NUP205: variants seen among roughly 807,000 people sequenced by gnomAD.
NUP205 encodes the protein nuclear pore complex protein Nup205.
A neutral mutation model predicts 253.8 loss-of-function variants in NUP205; 76 were observed. That is an observed-to-expected ratio of 0.30 (90% CI 0.25 to 0.36). The LOEUF is 0.36. Ranked by LOEUF, NUP205 falls within the 10% of genes least tolerant of loss-of-function variation. The probability of loss-of-function intolerance (pLI) is 1.00; values close to 1 mark genes in which losing one functional copy is unlikely to be tolerated. For synonymous variants in NUP205, 832 were observed against 850.1 expected, an observed-to-expected ratio of 0.98 and a Z score of 0.37; for missense variants, 2,162 against 2,425.5, an observed-to-expected ratio of 0.89 and a Z score of 2.28.
intron 7 of NUP205, among the ~76,000 whole-genome samples, chr7:135,582,829 G>A (rs1480032838): frequency 6.6e-6 from 1 of 150,518 alleles, no homozygotes; most frequent in African/African-American, 2.4e-5. Context: ...GGCGACTCAT[G>A]CCTGTAATCC....
rs374444053 is a variant in NUP205, at chr7:135,606,273, A to G, written c.2905+47A>G. The G allele has an allele frequency of 1.6e-5, 19 of 1,166,726 alleles. 1 individual carries two copies. In the African/African-American group the frequency reaches 2.7e-4, roughly 17 times the overall value. 72.3% of individuals were successfully genotyped at this position (1,166,726 alleles called of 1,614,324 possible). ...ATACACGCATTCTTTTACTTTTTAT[A>G]TATGCTTAATTTAAAGAAAACACTT... On this transcript the variant is annotated intron_variant, in intron 20 of 42. Transcript: ENST00000285968.
At chr7:135,614,344 A>G (rs1563129282) in intron 23 of NUP205, 71 bp downstream of exon 23, 3 of 851,664 alleles carry the variant, frequency 3.5e-6, no homozygotes, top group East Asian at 2.6e-5. Flanking sequence ...TATTTATACA[A>G]TATTTGGGGG....
chr7:135,597,077 C>T (rs757824574), intron 13 of NUP205, among the ~76,000 whole-genome samples: 6 of 151,982 alleles, frequency 3.9e-5, no homozygotes, highest in Non-Finnish European at 5.9e-5. Context: ...CCCATAAATC[C>T]TTTTTAAAGA....
At chr7:135,622,396 C>T (rs1333891490) in intron 30 of NUP205, among the ~76,000 whole-genome samples, 1 of 148,240 alleles carries the variant, frequency 6.7e-6, no homozygotes, top group Non-Finnish European at 1.5e-5. Context: ...GCACTCCAGC[C>T]TGGAGACAGA....
At chr7:135,570,081 A>AGAGAGAGAGAGAGAGG (rs1805910564) in intron 1 of NUP205, among the ~76,000 whole-genome samples, 1 of 149,710 alleles carries the variant, frequency 6.7e-6, no homozygotes, top group Non-Finnish European at 1.5e-5. Flanking sequence ...AGAGAGAGAG[A>AGAGAGAGAGAGAGAGG]GAGAGAGAGA....
intron 22 of NUP205, among the ~76,000 whole-genome samples, chr7:135,612,806 A>C (rs1317789574): frequency 6.6e-6 from 1 of 152,224 alleles, no homozygotes; most frequent in Non-Finnish European, 1.5e-5. Flanking sequence ...GTCAAAGACT[A>C]TCAAGAGTTT....
chr7:135,642,053 G>A (rs943744274), intron 38 of NUP205, among the ~76,000 whole-genome samples: 3 of 151,974 alleles, frequency 2.0e-5, no homozygotes, highest in Non-Finnish European at 4.4e-5. Context: ...TAAGGAGTTT[G>A]AGACCAGCCT....
chr7:135,629,466 CCTAT>C (rs776880533), intron 34 of NUP205, among the ~76,000 whole-genome samples: 4 of 73,208 alleles, frequency 5.5e-5, no homozygotes, highest in Non-Finnish European at 8.9e-5. Context: ...ATAGTGAGAC[CCTAT>C]CTCTCTCTCT....
intron 35 of NUP205, among the ~76,000 whole-genome samples, chr7:135,634,082 A>C (rs1022553518): frequency 1.3e-5 from 2 of 152,068 alleles, no homozygotes; most frequent in Non-Finnish European, 2.9e-5. Flanking sequence ...TCTGTGACTC[A>C]CAGATATATA....
chr7:135,589,194 A>G (rs1806555464), intron 10 of NUP205, among the ~76,000 whole-genome samples: 1 of 148,570 alleles, frequency 6.7e-6, no homozygotes, highest in African/African-American at 2.5e-5. Context: ...AAGAGTTGGC[A>G]GGAGATTGCC....
In NUP205 at chr7:135,578,776, G is replaced by T. The variant is rs779309253; in HGVS notation, c.903G>T (p.Leu301Phe). ...RDDMIHQLPL[L>F]TEKQYIATIH... ...ATATGATTCATCAACTTCCACTGTTGACAGAAAAACAGTACATTGCAACAA... is the reference window on the plus strand; with the variant it reads ...ATATGATTCATCAACTTCCACTGTTTACAGAAAAACAGTACATTGCAACAA... Residue 301 changes from leucine to phenylalanine, a missense_variant, in exon 7 of 43, where the codon TTG becomes TTT. Coordinates refer to ENST00000285968, the MANE Select transcript of NUP205 (RefSeq NM_015135.3). 3.1e-6 allele frequency: 5 copies of T among 1,602,292 alleles called. No individual in the cohort carries two copies. The highest frequency in any genetic ancestry group is 4.3e-6 in the Non-Finnish European group (5 of 1,175,714).
At chr7:135,606,006 A>C in intron 19 of NUP205, 139 bp from the exon 20 acceptor site, 1 of 580,322 alleles carries the variant, frequency 1.7e-6, no homozygotes, top group Non-Finnish European at 3.0e-6. Context: ...TTCTATTAAA[A>C]ATGTAACTAA....
chr7:135,594,526 T>G (rs368415437), intron 12 of NUP205, 21 bp from the exon 13 acceptor site: 14 of 1,558,566 alleles, frequency 9.0e-6, no homozygotes, highest in Non-Finnish European at 2.6e-6. Flanking sequence ...AAAGTCTCAT[T>G]CTTTTTGTGT....
chr7:135,624,632 C>A (rs1321675624), intron 31 of NUP205, among the ~76,000 whole-genome samples: 1 of 152,104 alleles, frequency 6.6e-6, no homozygotes, highest in African/African-American at 2.4e-5. Flanking sequence ...CCGCCTTGGC[C>A]TCCCAAAATG....
chr7:135,570,042 T>TAGAG (rs1805901274), intron 1 of NUP205, among the ~76,000 whole-genome samples: 1 of 99,742 alleles, frequency 1.0e-5, no homozygotes, highest in Non-Finnish European at 2.3e-5. Context: ...TATATATATA[T>TAGAG]ATATATATAT....
At chr7:135,582,151 T>TGGCACATGCTTG (rs1214067023) in intron 7 of NUP205, among the ~76,000 whole-genome samples, 1 of 152,136 alleles carries the variant, frequency 6.6e-6, no homozygotes, top group Non-Finnish European at 1.5e-5. Context: ...CTGGGTGTGG[T>TGGCACATGCTTG]GGCACATGCT....
At chr7:135,606,600 C>T in intron 20 of NUP205, 151 bp from the exon 21 acceptor site, 1 of 636,810 alleles carries the variant, frequency 1.6e-6, no homozygotes, top group East Asian at 2.7e-5. Flanking sequence ...TTTAGGATTC[C>T]ACTTTAAATA....
At chr7:135,575,136 GA>G (rs1387913898) in intron 3 of NUP205, among the ~76,000 whole-genome samples, 2 of 152,190 alleles carry the variant, frequency 1.3e-5, no homozygotes, top group Non-Finnish European at 2.9e-5. Flanking sequence ...TAATAATTGA[GA>G]ATGATGTGGA....
At chr7:135,633,662 C>G (rs1008683629) in intron 35 of NUP205, among the ~76,000 whole-genome samples, 1 of 152,092 alleles carries the variant, frequency 6.6e-6, no homozygotes, top group African/African-American at 2.4e-5. Flanking sequence ...AGGCTGGTCT[C>G]AAACTTCTGG....
Sources: allele counts gnomAD v4.1 joint callset (sites outside exome capture counted in the v4.1 genomes callset), GRCh38; gene constraint gnomAD v4.1.1; transcripts MANE v1.5; gene names NCBI Gene and HGNC (gene_info 2026-07-23, HGNC 2026-07-21).